Variants in ARHGAP15 observed in about 807,000 individuals in gnomAD.
ARHGAP15 encodes Rho GTPase activating protein 15.
A neutral mutation model predicts 63.7 loss-of-function variants in ARHGAP15; 51 were observed. The ratio of observed to expected loss-of-function variants is 0.80; its 90% CI spans 0.64 to 1.01. The LOEUF is 1.01. ARHGAP15 is among the 50% of genes least tolerant of loss of function. ARHGAP15 has a pLI of 0.00. For missense variants in ARHGAP15, 560 were observed against 564.6 expected (o/e 0.99, Z 0.08); for synonymous variants, 191 against 193.8 (o/e 0.99, Z 0.12).
chr2:143,501,065 T>C (rs1256421859), intron 9 of ARHGAP15, among the ~76,000 whole-genome samples: 1 of 152,204 alleles, frequency 6.6e-6, no homozygotes, highest in Non-Finnish European at 1.5e-5. Context: ...AGGCCTGGTC[T>C]GGGTTAACCT....
intron 6 of ARHGAP15, chr2:143,314,633 C>G (rs1683612088): frequency 6.6e-6 from 1 of 152,172 alleles, no homozygotes; most frequent in Non-Finnish European, 1.5e-5. Context: ...TCTTAGGAAG[C>G]TTATACATCT....
At chr2:143,371,474 G>C (rs1459752731) in intron 6 of ARHGAP15, among the ~76,000 whole-genome samples, 1 of 152,024 alleles carries the variant, frequency 6.6e-6, no homozygotes, top group Non-Finnish European at 1.5e-5. Context: ...CTATCTGTCT[G>C]CCTGCCTGTC....
intron 8 of ARHGAP15, among the ~76,000 whole-genome samples, chr2:143,473,979 A>G (rs894986004): frequency 4.6e-5 from 7 of 152,172 alleles, no homozygotes; most frequent in African/African-American, 1.4e-4. Flanking sequence ...CAGCCCGTTC[A>G]ATAGTCCAAA....
rs559569786 is a variant in ARHGAP15 at position 143,263,629 on chromosome 2, C to T, written c.474+13029C>T. 8.5e-5 allele frequency among the ~76,000 whole-genome samples: 13 copies of T among 152,240 alleles called. No individual in the cohort carries two copies. In the South Asian group the frequency reaches 2.7e-3, roughly 32 times the overall value. ...CCAGTCATCTGGTACATTGGCTTAC[C>T]CTCTGGTAGATGTAGACAAGGATCT... is the stretch of plus-strand genomic sequence containing the variant. On this transcript the variant is annotated intron_variant, in intron 6 of 13. Coordinates refer to ENST00000295095, the MANE Select transcript of ARHGAP15 (RefSeq NM_018460.4).
chr2:143,320,418 C>CA lies in ARHGAP15; in HGVS notation c.474+69818_474+69819insA, dbSNP rs1683965679. ...AATCAGGACTTCCCCACCCCCCCCC[C>CA]CCCCAGAGATCCTATGATAAACATT... On this transcript the variant is annotated intron_variant, in intron 6 of 13. Coordinates refer to ENST00000295095, the MANE Select transcript of ARHGAP15 (RefSeq NM_018460.4). Among the ~76,000 whole-genome samples the CA allele has an allele frequency of 3.1e-5, 3 of 96,112 alleles. No homozygotes were observed. In the South Asian group the frequency reaches 1.5e-3, roughly 49 times the overall value. The allele number at this position is 96,112 out of a possible 152,430, so 63.1% of individuals were successfully genotyped here. A position where few individuals can be genotyped will look rare whatever the true frequency, so the allele number is the denominator to read the frequency against.
chr2:143,342,916 GAACTT>G (rs1331231135), intron 6 of ARHGAP15, among the ~76,000 whole-genome samples: 1 of 151,888 alleles, frequency 6.6e-6, no homozygotes, highest in Non-Finnish European at 1.5e-5. Flanking sequence ...TTTTTTGTAA[GAACTT>G]AACACTACCT....
chr2:143,335,521 A>C (rs530521941), intron 6 of ARHGAP15, among the ~76,000 whole-genome samples: 1 of 152,280 alleles, frequency 6.6e-6, no homozygotes, highest in South Asian at 2.1e-4. Flanking sequence ...GCTTTGGGGA[A>C]TTTCATAAGG....
chr2:143,419,581 T>C (rs1346731132), intron 6 of ARHGAP15, among the ~76,000 whole-genome samples: 2 of 151,360 alleles, frequency 1.3e-5, no homozygotes, highest in Non-Finnish European at 2.9e-5. Flanking sequence ...AAAGCCTTCA[T>C]GATATGTTAA....
rs141809021 is a variant in ARHGAP15, at chr2:143,257,642, A to G, written c.474+7042A>G. ...ATGGAACATATTCTGTTTCTTGATGATTTGGTAGAGCTAGTGTGGTAGTCT... is the reference window on the plus strand; with the variant it reads ...ATGGAACATATTCTGTTTCTTGATGGTTTGGTAGAGCTAGTGTGGTAGTCT... On this transcript the variant is annotated intron_variant, in intron 6 of 13. Coordinates refer to ENST00000295095, the MANE Select transcript of ARHGAP15 (RefSeq NM_018460.4). Among the ~76,000 whole-genome samples the G allele has an allele frequency of 6.6e-4, 100 of 152,218 alleles. 1 individual carries two copies. The East Asian group carries it at 0.018, about 28-fold the overall frequency.
At chr2:143,430,395 T>C (rs1475378128) in intron 6 of ARHGAP15, among the ~76,000 whole-genome samples, 1 of 152,078 alleles carries the variant, frequency 6.6e-6, no homozygotes, top group Non-Finnish European at 1.5e-5. Context: ...AACCAGACTG[T>C]AATTTGAGAC....
intron 11 of ARHGAP15, among the ~76,000 whole-genome samples, chr2:143,619,145 C>T (rs149413073): frequency 8.5e-5 from 13 of 152,212 alleles, no homozygotes; most frequent in Non-Finnish European, 1.8e-4. Flanking sequence ...TTTAAATGCT[C>T]CTTGTTCCTT....
chr2:143,318,727 A>G (rs139410262), intron 6 of ARHGAP15, among the ~76,000 whole-genome samples: 9 of 152,246 alleles, frequency 5.9e-5, no homozygotes, highest in African/African-American at 2.2e-4. Context: ...GTTAAATGAC[A>G]TAATCTAAGT....
At chr2:143,599,710 A>C (rs1045906780) in intron 11 of ARHGAP15, among the ~76,000 whole-genome samples, 1 of 152,154 alleles carries the variant, frequency 6.6e-6, no homozygotes, top group African/African-American at 2.4e-5. Flanking sequence ...ATTTTCACAC[A>C]GTTAGAATTC....
intron 12 of ARHGAP15, among the ~76,000 whole-genome samples, chr2:143,657,057 C>CTATT (rs1212184329): frequency 2.6e-5 from 4 of 151,604 alleles, no homozygotes; most frequent in African/African-American, 9.7e-5. Flanking sequence ...TTTAAAAAAG[C>CTATT]TATTTGTGGC....
intron 10 of ARHGAP15, among the ~76,000 whole-genome samples, chr2:143,545,842 A>G (rs1381828730): frequency 6.6e-6 from 1 of 152,174 alleles, no homozygotes. Flanking sequence ...AAAACAGATT[A>G]AAATAGCTGC....
chr2:143,166,380 C>T (rs569861870), intron 2 of ARHGAP15, among the ~76,000 whole-genome samples: 42 of 152,196 alleles, frequency 2.8e-4, no homozygotes, highest in African/African-American at 8.2e-4. Flanking sequence ...TAGGAGAACA[C>T]GTTTCATCTA....
At chr2:143,263,766 C>T (rs1484847887) in intron 6 of ARHGAP15, among the ~76,000 whole-genome samples, 1 of 152,080 alleles carries the variant, frequency 6.6e-6, no homozygotes, top group Non-Finnish European at 1.5e-5. Context: ...AGTCACCTTC[C>T]ATTGCCTGGA....
chr2:143,627,729 T>C (rs991114647), intron 12 of ARHGAP15, among the ~76,000 whole-genome samples: 1 of 152,096 alleles, frequency 6.6e-6, no homozygotes, highest in African/African-American at 2.4e-5. Context: ...GGTCTGGGCC[T>C]CTTTGTCCTC....
At chr2:143,146,611 G>GCA (rs151062386) in intron 1 of ARHGAP15, among the ~76,000 whole-genome samples, 62 of 151,162 alleles carry the variant, frequency 4.1e-4, no homozygotes, top group African/African-American at 1.4e-3. Flanking sequence ...ACATAGGCAT[G>GCA]CACACACACA....
Sources: gnomAD v4.1 joint callset for allele counts (sites outside exome capture counted in the v4.1 genomes callset) on GRCh38, gnomAD v4.1.1 for gene constraint, MANE v1.5 for transcripts, NCBI Gene and HGNC (gene_info 2026-07-23, HGNC 2026-07-21) for gene names.